Variants in FANCC observed in about 807,000 individuals in gnomAD.
FANCC encodes FA complementation group C, also known as Fanconi anemia group C protein.
In FANCC, 55 loss-of-function variants were observed where a neutral mutation model predicts 71.3. The observed-to-expected ratio is 0.77, with a 90% CI of 0.62 to 0.97. The LOEUF (loss-of-function observed/expected upper bound fraction) is 0.97. FANCC is among the 50% of genes least tolerant of loss of function. The pLI, the probability that FANCC is intolerant of heterozygous loss-of-function variation, is 0.00. For synonymous variants in FANCC, 275 were observed against 244.9 expected (o/e 1.12, Z -1.15); for missense variants, 678 against 670.9 (o/e 1.01, Z -0.12).
chr9:95,170,983 G>A lies in FANCC; in HGVS notation c.521+96C>T, dbSNP rs955921039. Reference sequence around the variant, plus strand: ...TTCTATATAAAATACAACCATAACTGAACATCCATTTCCTATGAATTGTAA... The same window carrying A: ...TTCTATATAAAATACAACCATAACTAAACATCCATTTCCTATGAATTGTAA... On this transcript the variant is annotated intron_variant, in intron 6 of 14. Coordinates refer to ENST00000289081, the MANE Select transcript of FANCC (RefSeq NM_000136.3). 11 of 873,680 alleles carry A rather than the reference G, an allele frequency of 1.3e-5. No homozygotes were observed. The African/African-American group carries it at 1.5e-4, about 12-fold the overall frequency. 54.1% of individuals were successfully genotyped at this position (873,680 alleles called of 1,614,324 possible). A position where few individuals can be genotyped will look rare whatever the true frequency, so the allele number is the denominator to read the frequency against.
intron 1 of FANCC, among the ~76,000 whole-genome samples, chr9:95,261,906 TGG>T (rs1832075410): frequency 6.6e-6 from 1 of 152,066 alleles, no homozygotes; most frequent in African/African-American, 2.4e-5. Flanking sequence ...GGTGAGGGGC[TGG>T]GATAAAGTAC....
intron 1 of FANCC, among the ~76,000 whole-genome samples, chr9:95,279,947 CAAA>C (rs71498957): frequency 4.6e-4 from 30 of 64,752 alleles, no homozygotes; most frequent in African/African-American, 1.4e-3. Context: ...GACTCTGTCT[CAAA>C]AAAAAAAAAA....
chr9:95,240,206 G>A (rs1000297347), intron 4 of FANCC, among the ~76,000 whole-genome samples: 5 of 152,154 alleles, frequency 3.3e-5, no homozygotes, highest in African/African-American at 7.2e-5. Flanking sequence ...CACCAACTTC[G>A]GGACACAAAA....
At chr9:95,308,237 G>C (rs1292415430) in intron 1 of FANCC, among the ~76,000 whole-genome samples, 1 of 151,572 alleles carries the variant, frequency 6.6e-6, no homozygotes, top group African/African-American at 2.4e-5. Flanking sequence ...AACATCTTAG[G>C]CTTAATTTTT....
At chr9:95,259,479 T>C in intron 1 of FANCC, among the ~76,000 whole-genome samples, 1 of 152,140 alleles carries the variant, frequency 6.6e-6, no homozygotes, top group Admixed American at 6.5e-5. Context: ...TTGGGAAAAC[T>C]GCTAGCCATA....
intron 4 of FANCC, among the ~76,000 whole-genome samples, chr9:95,228,487 T>A (rs1829772970): frequency 6.6e-6 from 1 of 152,212 alleles, no homozygotes; most frequent in African/African-American, 2.4e-5. Flanking sequence ...AAATTCCTAT[T>A]CATTTCTTTA....
chr9:95,135,689 T>C (rs1827567586), intron 7 of FANCC, 187 bp from the exon 8 acceptor site: 1 of 603,608 alleles, frequency 1.7e-6, no homozygotes, highest in Non-Finnish European at 2.9e-6. Flanking sequence ...AATGTGAATA[T>C]GCTTCCACTT....
At chr9:95,311,470 A>C (rs1317686709) in intron 1 of FANCC, among the ~76,000 whole-genome samples, 1 of 152,304 alleles carries the variant, frequency 6.6e-6, no homozygotes, top group East Asian at 1.9e-4. Context: ...CTTATAAAAG[A>C]AGCAAAAGTG....
At chr9:95,272,602 C>T (rs951467446) in intron 1 of FANCC, among the ~76,000 whole-genome samples, 4 of 151,964 alleles carry the variant, frequency 2.6e-5, no homozygotes, top group South Asian at 2.1e-4. Flanking sequence ...GAGGCTGTGG[C>T]GAGAATTGCT....
intron 4 of FANCC, among the ~76,000 whole-genome samples, chr9:95,223,298 A>G (rs1053900344): frequency 6.6e-6 from 1 of 152,108 alleles, no homozygotes; most frequent in South Asian, 2.1e-4. Flanking sequence ...CTCTCCCTAC[A>G]CTTCTGGGGC....
intron 1 of FANCC, among the ~76,000 whole-genome samples, chr9:95,259,518 T>A (rs139463323): frequency 0.013 from 2,045 of 152,288 alleles, 55 homozygotes; most frequent in African/African-American, 0.046. Context: ...GACCCCTTCC[T>A]TACACCTTAT....
intron 4 of FANCC, among the ~76,000 whole-genome samples, chr9:95,216,200 A>G (rs896480349): frequency 6.6e-6 from 1 of 152,250 alleles, no homozygotes; most frequent in African/African-American, 2.4e-5. Context: ...TGTTGTTTTA[A>G]TGTCAGACAA....
chr9:95,316,761 G>C (rs1417367593), intron 1 of FANCC: 1 of 152,180 alleles, frequency 6.6e-6, no homozygotes, highest in Non-Finnish European at 1.5e-5. Flanking sequence ...GGACACATAA[G>C]ATCATAGAGG....
chr9:95,312,956 A>G (rs1001365696), intron 1 of FANCC, among the ~76,000 whole-genome samples: 2 of 152,224 alleles, frequency 1.3e-5, no homozygotes, highest in Non-Finnish European at 2.9e-5. Flanking sequence ...GGGCGCCAGG[A>G]AAAGTGTTCA....
chr9:95,278,837 A>G (rs1833203406), intron 1 of FANCC, among the ~76,000 whole-genome samples: 1 of 152,120 alleles, frequency 6.6e-6, no homozygotes, highest in Admixed American at 6.5e-5. Context: ...AAAAAAAAAA[A>G]TTCAAAAAGA....
chr9:95,209,855 G>A (rs1046961381), intron 4 of FANCC, among the ~76,000 whole-genome samples: 2 of 152,106 alleles, frequency 1.3e-5, no homozygotes, highest in African/African-American at 2.4e-5. Context: ...CTGCTCCAGC[G>A]AGCAGCCTGC....
At chr9:95,181,572 C>A (rs918468051) in intron 4 of FANCC, among the ~76,000 whole-genome samples, 1 of 152,126 alleles carries the variant, frequency 6.6e-6, no homozygotes, top group South Asian at 2.1e-4. Flanking sequence ...TCTTGGAGAT[C>A]CTTTACTCTA....
At chr9:95,120,759 T>C (rs1450117010) in intron 10 of FANCC, among the ~76,000 whole-genome samples, 1 of 152,202 alleles carries the variant, frequency 6.6e-6, no homozygotes, top group East Asian at 1.9e-4. Context: ...AATCTGACGT[T>C]TCTGCCTTTT....
At chr9:95,238,567 CT>C (rs757266479) in intron 4 of FANCC, among the ~76,000 whole-genome samples, 1 of 149,708 alleles carries the variant, frequency 6.7e-6, no homozygotes, top group Non-Finnish European at 1.5e-5. Flanking sequence ...TTCCTTTTTT[CT>C]TTTTTTTTGT....
Sources: gnomAD v4.1 joint callset for allele counts (sites outside exome capture counted in the v4.1 genomes callset) on GRCh38, gnomAD v4.1.1 for gene constraint, MANE v1.5 for transcripts, NCBI Gene and HGNC (gene_info 2026-07-23, HGNC 2026-07-21) for gene names.